FMNL2: variants seen among roughly 807,000 people sequenced by gnomAD.
FMNL2 encodes formin-like protein 2.
A neutral mutation model predicts 130.2 loss-of-function variants in FMNL2; 51 were observed. The observed-to-expected ratio is 0.39, with a 90% CI of 0.31 to 0.49. The LOEUF (loss-of-function observed/expected upper bound fraction) is 0.49, where lower values mean the gene tolerates loss of function less well. Ranked by LOEUF, FMNL2 falls within the 20% of genes least tolerant of loss-of-function variation. The probability of loss-of-function intolerance (pLI) is 0.85; values close to 1 mark genes in which losing one functional copy is unlikely to be tolerated. For synonymous variants in FMNL2, 465 were observed against 467.1 expected, an observed-to-expected ratio of 1.00 and a Z score of 0.06; for missense variants, 977 against 1,316.2, an observed-to-expected ratio of 0.74 and a Z score of 3.99.
chr2:152,606,999 T>A (rs1223463097), intron 9 of FMNL2, among the ~76,000 whole-genome samples: 2 of 131,070 alleles, frequency 1.5e-5, no homozygotes, highest in African/African-American at 5.5e-5. Context: ...GGTCGTTTTT[T>A]TTTTTTGTTT....
intron 6 of FMNL2, among the ~76,000 whole-genome samples, chr2:152,569,694 A>G (rs1696064453): frequency 6.7e-6 from 1 of 149,850 alleles, no homozygotes; most frequent in African/African-American, 2.5e-5. Flanking sequence ...AAAAAAAAAA[A>G]AAAGGAAGTT....
intron 1 of FMNL2, among the ~76,000 whole-genome samples, chr2:152,496,594 T>C (rs181985450): frequency 6.6e-6 from 1 of 152,358 alleles, no homozygotes; most frequent in African/African-American, 2.4e-5. Context: ...GCATCAATTA[T>C]CACTGTGGTG....
chr2:152,490,631 A>ATTT (rs1691116233), intron 1 of FMNL2, among the ~76,000 whole-genome samples: 1 of 140,140 alleles, frequency 7.1e-6, no homozygotes, highest in Non-Finnish European at 1.5e-5. Flanking sequence ...TAAACTTAAA[A>ATTT]AACCTGTTGC....
chr2:152,515,562 A>G (rs909106677), intron 1 of FMNL2, among the ~76,000 whole-genome samples: 3 of 152,148 alleles, frequency 2.0e-5, no homozygotes, highest in Non-Finnish European at 2.9e-5. Context: ...TGGAATTGTG[A>G]GATTGCTTAG....
At chr2:152,462,269 G>A (rs575101661) in intron 1 of FMNL2, among the ~76,000 whole-genome samples, 35 of 152,234 alleles carry the variant, frequency 2.3e-4, no homozygotes, top group African/African-American at 7.7e-4. Flanking sequence ...AGTGGCTGTC[G>A]TACTCAACTA....
chr2:152,615,049 C>T, intron 12 of FMNL2, 49 bp downstream of exon 12: 1 of 1,591,164 alleles, frequency 6.3e-7, no homozygotes, highest in Non-Finnish European at 8.6e-7. Flanking sequence ...CAGCTGGTTG[C>T]AAAGCAGAAT....
intron 1 of FMNL2, among the ~76,000 whole-genome samples, chr2:152,404,544 A>C (rs1353545865): frequency 6.6e-6 from 1 of 152,150 alleles, no homozygotes; most frequent in Non-Finnish European, 1.5e-5. Context: ...TGAGTGAGTG[A>C]ATGCATATTT....
chr2:152,567,084 A>C (rs1209842069), intron 6 of FMNL2, among the ~76,000 whole-genome samples: 2 of 152,156 alleles, frequency 1.3e-5, no homozygotes, highest in African/African-American at 4.8e-5. Flanking sequence ...AAAAGAGGGG[A>C]TAATATGGGA....
chr2:152,447,866 T>A (rs1245225565), intron 1 of FMNL2, among the ~76,000 whole-genome samples: 2 of 152,204 alleles, frequency 1.3e-5, no homozygotes, highest in East Asian at 3.9e-4. Context: ...GCCAGTTACA[T>A]AAAAAGTATG....
chr2:152,491,844 G>A (rs554589021), intron 1 of FMNL2, among the ~76,000 whole-genome samples: 3 of 152,158 alleles, frequency 2.0e-5, no homozygotes, highest in African/African-American at 7.2e-5. Context: ...CCAGCTACTC[G>A]GGGGGTTGAG....
At chr2:152,366,050 G>T (rs1464637898) in intron 1 of FMNL2, among the ~76,000 whole-genome samples, 1 of 152,098 alleles carries the variant, frequency 6.6e-6, no homozygotes, top group East Asian at 1.9e-4. Flanking sequence ...CCCAGGTTTA[G>T]AGCCCTTGAT....
At chr2:152,647,291 C>T (rs986394053) in intron 25 of FMNL2, among the ~76,000 whole-genome samples, 3 of 152,120 alleles carry the variant, frequency 2.0e-5, no homozygotes, top group Non-Finnish European at 4.4e-5. Flanking sequence ...AAATAATAAA[C>T]TCAGCTAGCT....
At chr2:152,372,823 G>C (rs769451323) in intron 1 of FMNL2, among the ~76,000 whole-genome samples, 18 of 152,194 alleles carry the variant, frequency 1.2e-4, no homozygotes, top group South Asian at 2.1e-4. Context: ...TTCATTGAAG[G>C]CTACTTTAGC....
chr2:152,640,553 G>C (rs1280895001), intron 24 of FMNL2, among the ~76,000 whole-genome samples: 1 of 152,234 alleles, frequency 6.6e-6, no homozygotes, highest in Non-Finnish European at 1.5e-5. Flanking sequence ...GTTGCCTCTT[G>C]TTGCCGTAGA....
intron 1 of FMNL2, among the ~76,000 whole-genome samples, chr2:152,520,851 G>T (rs1010754963): frequency 6.6e-6 from 1 of 152,232 alleles, no homozygotes; most frequent in South Asian, 2.1e-4. Context: ...ATGACCAGGG[G>T]AATTGTTTCT....
chr2:152,493,028 C>A (rs1233175286), intron 1 of FMNL2, among the ~76,000 whole-genome samples: 1 of 152,122 alleles, frequency 6.6e-6, no homozygotes, highest in Non-Finnish European at 1.5e-5. Context: ...ACTCCTACTT[C>A]CTAGCCTTAA....
At chr2:152,424,438 T>C (rs1687078657) in intron 1 of FMNL2, among the ~76,000 whole-genome samples, 1 of 151,076 alleles carries the variant, frequency 6.6e-6, no homozygotes, top group African/African-American at 2.4e-5. Context: ...TCACCCAGGC[T>C]GCAGTGCAGT....
At chr2:152,359,043 A>C (rs1447791836) in intron 1 of FMNL2, among the ~76,000 whole-genome samples, 1 of 152,248 alleles carries the variant, frequency 6.6e-6, no homozygotes, top group East Asian at 1.9e-4. Flanking sequence ...TTTAGTACCT[A>C]CATGGCACTA....
intron 1 of FMNL2, among the ~76,000 whole-genome samples, chr2:152,355,471 A>T (rs1682729773): frequency 6.6e-6 from 1 of 151,922 alleles, no homozygotes; most frequent in Admixed American, 6.6e-5. Flanking sequence ...TTTAGGAGTA[A>T]TTTTTTTAGG....
Sources: allele counts gnomAD v4.1 joint callset (sites outside exome capture counted in the v4.1 genomes callset), GRCh38; gene constraint gnomAD v4.1.1; transcripts MANE v1.5; gene names NCBI Gene and HGNC (gene_info 2026-07-23, HGNC 2026-07-21).